KIRREL1: variants seen among roughly 807,000 people sequenced by gnomAD.
KIRREL1 encodes kirre like nephrin family adhesion molecule 1, also known as kin of IRRE-like protein 1.
A neutral mutation model predicts 83.3 loss-of-function variants in KIRREL1; 25 were observed. The ratio of observed to expected loss-of-function variants is 0.30; its 90% confidence interval spans 0.22 to 0.42. KIRREL1 has a LOEUF of 0.42. Ranked by LOEUF, KIRREL1 falls within the 10% of genes least tolerant of loss-of-function variation. The pLI, the probability that KIRREL1 is intolerant of heterozygous loss-of-function variation, is 1.00. For missense variants in KIRREL1, 812 were observed against 1,032.3 expected (o/e 0.79, Z 2.92); for synonymous variants, 388 against 410.4 (o/e 0.95, Z 0.66).
At chr1:158,001,229 G>T (rs1473211671) in intron 1 of KIRREL1, among the ~76,000 whole-genome samples, 1 of 152,216 alleles carries the variant, frequency 6.6e-6, no homozygotes, top group African/African-American at 2.4e-5. Flanking sequence ...GAAGAGAATT[G>T]TGTGCTTACT....
At position 158,093,356 on chromosome 1, in the gene KIRREL1, A is replaced by G. The variant is rs1449369148; in HGVS notation, c.1489A>G (p.Ile497Val). 6.2e-7 allele frequency: 1 copy of G among 1,614,172 alleles called. No homozygotes were observed. The highest frequency in any genetic ancestry group is 1.7e-5 in the Admixed American group (1 of 60,024). The change falls in exon 12 of 15, where the codon ATC (isoleucine) becomes GTC (valine). Residue 497 changes from isoleucine (I) to valine (V), a missense_variant. Physicochemically the swap from Ile to Val is conservative, Grantham distance 29. Transcript: ENST00000359209. ...LEEREVLPVG[I>V]IAGATIGASI... ...ATCGAAAGAGGTGTTACCTGTGGGC[A>G]TCATAGCTGGGGCCACCATCGGCGC...
chr1:157,999,844 C>T (rs976210616), intron 1 of KIRREL1, among the ~76,000 whole-genome samples: 1 of 152,116 alleles, frequency 6.6e-6, no homozygotes, highest in African/African-American at 2.4e-5. Context: ...AAATAATGGG[C>T]TCTCTCAGAG....
intron 3 of KIRREL1, among the ~76,000 whole-genome samples, chr1:158,079,328 G>C (rs1661778664): frequency 6.6e-6 from 1 of 152,104 alleles, no homozygotes; most frequent in African/African-American, 2.4e-5. Flanking sequence ...TTGGTTGATT[G>C]GTTGGTGTTT....
intron 1 of KIRREL1, among the ~76,000 whole-genome samples, chr1:158,002,861 CG>C (rs1659405445): frequency 1.3e-5 from 2 of 152,024 alleles, no homozygotes; most frequent in South Asian, 4.2e-4. Flanking sequence ...CCCCCTGCTC[CG>C]GATGGAAGGA....
Position 158,086,423 on chromosome 1 carries a change from A to AACACACAC in KIRREL1, c.511-153_511-146dup, listed in dbSNP as rs61585802. On this transcript the variant is annotated intron_variant, in intron 4 of 14. Coordinates refer to ENST00000359209, the MANE Select transcript of KIRREL1 (RefSeq NM_018240.7). ...AAGATAATTAGTAGTCTATTGATTA[A>AACACACAC]ACACACACACACACACACACACACA... is the stretch of plus-strand genomic sequence containing the variant. 3.6e-3 allele frequency among the ~76,000 whole-genome samples: 530 copies of AACACACAC among 148,392 alleles called. 2 individuals carry two copies. Among genetic ancestry groups the AACACACAC allele is most frequent in the East Asian group, 0.013 (62 of 4,924 alleles).
chr1:157,996,328 T>C (rs1659199604), intron 1 of KIRREL1, among the ~76,000 whole-genome samples: 1 of 152,056 alleles, frequency 6.6e-6, no homozygotes, highest in Admixed American at 6.5e-5. Flanking sequence ...AAAATTGAAA[T>C]ATTTATTCAT....
At chr1:158,087,679 G>C in intron 5 of KIRREL1, 76 bp from the exon 6 acceptor site, 4 of 1,028,534 alleles carry the variant, frequency 3.9e-6, no homozygotes, top group Non-Finnish European at 5.8e-6. Context: ...GGTCAGGTCT[G>C]AATGTACGTG....
At chr1:157,998,742 C>A (rs1445037108) in intron 1 of KIRREL1, among the ~76,000 whole-genome samples, 1 of 152,194 alleles carries the variant, frequency 6.6e-6, no homozygotes, top group Non-Finnish European at 1.5e-5. Flanking sequence ...ATGGCTTGTT[C>A]TAACCCGCCT....
Position 158,084,569 on chromosome 1 carries a change from T to C in KIRREL1, c.500T>C (p.Val167Ala). Residue 167 changes from valine to alanine, a missense_variant, in exon 4 of 15, where the codon GTG becomes GCG. This residue lies in a region of KIRREL1 where 472 missense variants were observed against 626.8 expected (regional missense o/e 0.75). Coordinates refer to ENST00000359209, the MANE Select transcript of KIRREL1 (RefSeq NM_018240.7). ...FRDGTQQEGA[V>A]ASTELLKDGK... Reference sequence around the variant, plus strand: ...GACGGGACGCAGCAGGAGGGCGCTGTGGCCAGCACGGTGAGCTCCAGCCAG... The same window carrying C: ...GACGGGACGCAGCAGGAGGGCGCTGCGGCCAGCACGGTGAGCTCCAGCCAG... 2 of 1,551,658 alleles carry C rather than the reference T, an allele frequency of 1.3e-6. No homozygotes were observed. Among genetic ancestry groups the C allele is most frequent in the Non-Finnish European group, 1.7e-6 (2 of 1,146,976 alleles).
At chr1:158,080,169 C>A (rs1483472700) in intron 3 of KIRREL1, among the ~76,000 whole-genome samples, 2 of 152,148 alleles carry the variant, frequency 1.3e-5, no homozygotes, top group East Asian at 3.9e-4. Flanking sequence ...CTTCTTCTTT[C>A]TTTTTTCCTC....
intron 1 of KIRREL1, among the ~76,000 whole-genome samples, chr1:158,001,218 G>A (rs1054770528): frequency 4.6e-5 from 7 of 152,156 alleles, no homozygotes; most frequent in South Asian, 2.1e-4. Flanking sequence ...TTCATTCAGC[G>A]GAAGAGAATT....
chr1:158,017,741 CT>C (rs202044261), intron 1 of KIRREL1, among the ~76,000 whole-genome samples: 2,865 of 109,830 alleles, frequency 0.026, 73 homozygotes, highest in African/African-American at 0.09. Flanking sequence ...AAAATAGTTT[CT>C]TTTTTTTTCT....
intron 1 of KIRREL1, among the ~76,000 whole-genome samples, chr1:158,040,632 T>C (rs1381654891): frequency 6.6e-6 from 1 of 152,262 alleles, no homozygotes; most frequent in Non-Finnish European, 1.5e-5. Context: ...GAGGTGGTTT[T>C]TGAGCTTGAT....
chr1:158,089,306 A>C, intron 8 of KIRREL1, 196 bp from the exon 9 acceptor site: 22 of 711,036 alleles, frequency 3.1e-5, no homozygotes, highest in Non-Finnish European at 4.6e-5. Context: ...CCACACCTGC[A>C]GAGATGGTGT....
chr1:158,091,108 A>G (rs1328565614), intron 10 of KIRREL1, among the ~76,000 whole-genome samples: 1 of 152,218 alleles, frequency 6.6e-6, no homozygotes, highest in Non-Finnish European at 1.5e-5. Context: ...ATTTGAAAGA[A>G]TCTCCCTAGG....
At chr1:158,062,834 G>A (rs1661250671) in intron 1 of KIRREL1, among the ~76,000 whole-genome samples, 2 of 152,226 alleles carry the variant, frequency 1.3e-5, no homozygotes, top group Admixed American at 1.3e-4. Flanking sequence ...ATGTGCCACA[G>A]CTTCCACTTT....
intron 3 of KIRREL1, among the ~76,000 whole-genome samples, chr1:158,083,845 G>C (rs528216275): frequency 4.7e-4 from 72 of 152,312 alleles, no homozygotes; most frequent in African/African-American, 1.6e-3. Flanking sequence ...GGGGTATGGA[G>C]CCAGGCACAG....
chr1:157,994,931 A>G (rs1020289392), intron 1 of KIRREL1, among the ~76,000 whole-genome samples: 2 of 152,168 alleles, frequency 1.3e-5, no homozygotes, highest in Non-Finnish European at 2.9e-5. Context: ...TACACAGTAC[A>G]TGTATGCAGG....
rs137974224 is a variant in KIRREL1, at chr1:158,096,927, T to A, written c.*1807T>A. ...TTCGCTTTAATGAGTTACATGCTTA[T>A]CAGCCACAGGCCATTACCACCCTTA... On this transcript the variant is annotated 3_prime_UTR_variant, in exon 15 of 15. Transcript: ENST00000359209. The A allele has an allele frequency of 1.8e-5, 8 of 456,776 alleles. No individual in the cohort carries two copies. The highest frequency in any genetic ancestry group is 1.2e-4 in the African/African-American group (6 of 50,196). 28.3% of individuals were successfully genotyped at this position (456,776 alleles called of 1,614,324 possible). A position where few individuals can be genotyped will look rare whatever the true frequency, so the allele number is the denominator to read the frequency against.
Sources: gnomAD v4.1 joint callset for allele counts (sites outside exome capture counted in the v4.1 genomes callset) on GRCh38, gnomAD v4.1.1 for gene constraint, gnomAD v4.1.1 regional missense constraint, MANE v1.5 for transcripts, NCBI Gene and HGNC (gene_info 2026-07-23, HGNC 2026-07-21) for gene names.